RFFL: variants seen among roughly 807,000 people sequenced by gnomAD.
RFFL encodes E3 ubiquitin-protein ligase rififylin.
Under a neutral mutation model 40.4 loss-of-function variants are expected in RFFL, and 16 were observed. The ratio of observed to expected loss-of-function variants is 0.40; its 90% CI spans 0.27 to 0.60. RFFL has a LOEUF of 0.60. RFFL is among the 20% of genes least tolerant of loss of function. The probability of loss-of-function intolerance (pLI) is 0.47; values close to 1 mark genes in which losing one functional copy is unlikely to be tolerated. For missense variants in RFFL, 367 were observed against 451.7 expected (o/e 0.81, Z 1.70); for synonymous variants, 154 against 167.9 (o/e 0.92, Z 0.64).
At position 35,055,197 on chromosome 17, in the gene RFFL, C is replaced by A. The variant is rs570091568; in HGVS notation, c.-9+8379G>T. On this transcript the variant is annotated intron_variant, in intron 1 of 6. Coordinates refer to ENST00000394597, the MANE Select transcript of RFFL (RefSeq NM_001017368.2). ...CCTCCCAAAGTGCTGGGATTACAGG[C>A]GTGAGCCACAGCGCCCGGCCAATGG... 3.0e-4 allele frequency among the ~76,000 whole-genome samples: 46 copies of A among 151,840 alleles called. No individual in the cohort carries two copies. In the East Asian group the frequency reaches 8.8e-3, roughly 29 times the overall value.
In RFFL at chr17:35,011,875, C is replaced by T; in HGVS notation, c.*93G>A. 6 of 1,246,192 alleles carry T rather than the reference C, an allele frequency of 4.8e-6. No individual in the cohort carries two copies. The highest frequency in any genetic ancestry group is 6.9e-6 in the Non-Finnish European group (6 of 873,622). The allele number at this position is 1,246,192 out of a possible 1,614,324, so 77.2% of individuals were successfully genotyped here. On this transcript the variant is annotated 3_prime_UTR_variant, in exon 7 of 7. Transcript: ENST00000394597. ...TGGTTTTGGGAACCCTGCAATATTT[C>T]TACTAGCTTGCTCCTCTGCAAGCTG...
At chr17:35,056,465 C>A (rs1007211767) in intron 1 of RFFL, among the ~76,000 whole-genome samples, 13 of 151,494 alleles carry the variant, frequency 8.6e-5, no homozygotes, top group African/African-American at 3.2e-4. Context: ...ACAACCTCCG[C>A]CTCCTGGGTT....
intron 1 of RFFL, among the ~76,000 whole-genome samples, chr17:35,060,983 A>G (rs1322812781): frequency 6.6e-6 from 1 of 152,160 alleles, no homozygotes; most frequent in Non-Finnish European, 1.5e-5. Context: ...GAGAAGGGAG[A>G]GTCCATTGGG....
intron 1 of RFFL, among the ~76,000 whole-genome samples, chr17:35,027,724 CAAAAAAA>C (rs34594614): frequency 2.2e-5 from 2 of 90,294 alleles, no homozygotes; most frequent in African/African-American, 5.1e-5. Flanking sequence ...AACTCCGTCT[CAAAAAAA>C]AAAAAAAAAA....
rs992493260 is a variant in RFFL, at chr17:35,008,592, G to C, written c.*3376C>G. 1 of 151,908 alleles carries C rather than the reference G, an allele frequency of 6.6e-6. No individual in the cohort carries two copies. The highest frequency in any genetic ancestry group is 2.4e-5 in the African/African-American group (1 of 41,316). The allele number at this position is 151,908 out of a possible 1,614,324, so 9.4% of individuals were successfully genotyped here. A position where few individuals can be genotyped will look rare whatever the true frequency, so the allele number is the denominator to read the frequency against. ...ACTACCCACATGCACCACCATGCAC[G>C]GCTAATTTTTTGGTTTTTTTGGGTT... On this transcript the variant is annotated 3_prime_UTR_variant, in exon 7 of 7. Transcript: ENST00000394597.
chr17:35,016,298 A>G (rs1384529234), intron 5 of RFFL, 72 bp downstream of exon 5: 3 of 1,372,408 alleles, frequency 2.2e-6, no homozygotes, highest in Non-Finnish European at 3.1e-6. Flanking sequence ...AGTCAGGTCA[A>G]TACCATCATG....
At chr17:35,088,445 C>G (rs1165069174) in intron 1 of RFFL, among the ~76,000 whole-genome samples, 1 of 152,188 alleles carries the variant, frequency 6.6e-6, no homozygotes, top group Non-Finnish European at 1.5e-5. Context: ...GGCTCTGGCT[C>G]CCCTGGTTCG....
chr17:35,056,223 G>A (rs777070046), intron 1 of RFFL, among the ~76,000 whole-genome samples: 1 of 152,108 alleles, frequency 6.6e-6, no homozygotes, highest in Non-Finnish European at 1.5e-5. Flanking sequence ...CACTGCAAGC[G>A]TGGTAGCCTG....
intron 1 of RFFL, among the ~76,000 whole-genome samples, chr17:35,079,686 C>A (rs923645917): frequency 6.6e-6 from 1 of 152,166 alleles, no homozygotes; most frequent in Non-Finnish European, 1.5e-5. Context: ...AGTTGGGAAA[C>A]ACTGAACTAG....
intron 1 of RFFL, among the ~76,000 whole-genome samples, chr17:35,063,055 A>T (rs913976054): frequency 5.3e-5 from 8 of 152,228 alleles, no homozygotes; most frequent in African/African-American, 1.9e-4. Context: ...AAAACAAAAT[A>T]CAAGAGCAAA....
At chr17:35,058,632 G>A (rs930106553) in intron 1 of RFFL, among the ~76,000 whole-genome samples, 9 of 152,114 alleles carry the variant, frequency 5.9e-5, no homozygotes, top group Non-Finnish European at 1.2e-4. Context: ...TTAGCCAGGC[G>A]TGGTGGCAAG....
rs1353073242 is a variant in RFFL, at chr17:35,039,293, C to T, written c.-8-12732G>A. Among the ~76,000 whole-genome samples the T allele has an allele frequency of 2.0e-5, 3 of 152,312 alleles. No homozygotes were observed. The East Asian group carries it at 5.8e-4, about 29-fold the overall frequency. On this transcript the variant is annotated intron_variant, in intron 1 of 6. Coordinates refer to ENST00000394597, the MANE Select transcript of RFFL (RefSeq NM_001017368.2). ...GGAGTGCAGTGGCGCAACCTCGGCT[C>T]ACTGCAACCTCCGCCTGCTGGGTTC... is the stretch of plus-strand genomic sequence containing the variant.
At chr17:35,067,705 T>G (rs920997116), upstream of RFFL, among the ~76,000 whole-genome samples, 6 of 152,148 alleles carry the variant, frequency 3.9e-5, no homozygotes, top group South Asian at 1.2e-3. Context: ...TCCGCCCGTC[T>G]CAGCCTCCCA....
chr17:35,026,940 G>A (rs2091045247), intron 1 of RFFL, among the ~76,000 whole-genome samples: 1 of 152,190 alleles, frequency 6.6e-6, no homozygotes, highest in Non-Finnish European at 1.5e-5. Flanking sequence ...CTGACCTTGT[G>A]ATCGGCCCAC....
intron 1 of RFFL, among the ~76,000 whole-genome samples, chr17:35,055,239 GA>G (rs919199501): frequency 8.5e-5 from 13 of 152,062 alleles, no homozygotes; most frequent in African/African-American, 3.1e-4. Flanking sequence ...ATGATCTTCT[GA>G]TGGATAAATG....
rs567142889 is a variant in RFFL, at chr17:35,032,411, T to C, written c.-8-5850A>G. Among the ~76,000 whole-genome samples the C allele has an allele frequency of 4.6e-5, 7 of 151,726 alleles. No individual in the cohort carries two copies. In the South Asian group the frequency reaches 1.2e-3, roughly 27 times the overall value. On this transcript the variant is annotated intron_variant, in intron 1 of 6. Coordinates refer to ENST00000394597, the MANE Select transcript of RFFL (RefSeq NM_001017368.2). Reference sequence around the variant, plus strand: ...AAATTTTAAAAAGGTGCAGATCTGATAGAATGAGCAGAATGAACTAGCAGA... The same window carrying C: ...AAATTTTAAAAAGGTGCAGATCTGACAGAATGAGCAGAATGAACTAGCAGA...
chr17:35,020,763 C>T (rs1236499863), intron 3 of RFFL, among the ~76,000 whole-genome samples: 1 of 152,090 alleles, frequency 6.6e-6, no homozygotes, highest in Non-Finnish European at 1.5e-5. Context: ...TCTATACTCC[C>T]CAGACCTGGG....
rs1180427728 is a variant in RFFL, at chr17:35,019,764, A to T, written c.591+1607T>A. Among the ~76,000 whole-genome samples, 3 of 152,286 alleles carry T rather than the reference A, an allele frequency of 2.0e-5. No homozygotes were observed. The East Asian group carries it at 5.8e-4, about 29-fold the overall frequency. ...AAAAAAAAACACAAGCAAAGGGAAG[A>T]ATATATAGCAGGAGTTTAAATCTGT... On this transcript the variant is annotated intron_variant, in intron 3 of 6. Transcript: ENST00000394597.
chr17:35,057,360 C>T (rs779122076), intron 1 of RFFL, among the ~76,000 whole-genome samples: 1 of 151,986 alleles, frequency 6.6e-6, no homozygotes, highest in Non-Finnish European at 1.5e-5. Flanking sequence ...GGTCACCTTC[C>T]TTCAATTCCT....
Sources: gnomAD v4.1 joint callset for allele counts (sites outside exome capture counted in the v4.1 genomes callset) on GRCh38, gnomAD v4.1.1 for gene constraint, MANE v1.5 for transcripts, NCBI Gene and HGNC (gene_info 2026-07-23, HGNC 2026-07-21) for gene names.